SGCZ: variants seen among roughly 807,000 people sequenced by gnomAD.
SGCZ encodes the protein sarcoglycan zeta.
In SGCZ, 40 loss-of-function variants were observed where a neutral mutation model predicts 41.3. That is an observed-to-expected ratio of 0.97 (90% CI 0.75 to 1.26). SGCZ has a LOEUF of 1.26. Ranked by LOEUF, SGCZ falls within the 50% of genes most tolerant of loss-of-function variation. The probability of loss-of-function intolerance (pLI) is 0.00; values close to 1 mark genes in which losing one functional copy is unlikely to be tolerated. For missense variants in SGCZ, 552 were observed against 369.8 expected, an observed-to-expected ratio of 1.49 and a Z score of -4.04; for synonymous variants, 206 against 137.5, an observed-to-expected ratio of 1.50 and a Z score of -3.49.
At chr8:14,846,007 T>A (rs1354368997) in intron 1 of SGCZ, among the ~76,000 whole-genome samples, 1 of 152,140 alleles carries the variant, frequency 6.6e-6, no homozygotes, top group Non-Finnish European at 1.5e-5. Flanking sequence ...CTTAAACATG[T>A]ATACACCCAA....
intron 1 of SGCZ, among the ~76,000 whole-genome samples, chr8:15,074,832 T>A (rs999601463): frequency 1.3e-5 from 2 of 152,144 alleles, no homozygotes; most frequent in African/African-American, 4.8e-5. Flanking sequence ...TAAGACATCA[T>A]CTTATGCAGT....
At chr8:14,126,322 A>G (rs140613919) in intron 5 of SGCZ, among the ~76,000 whole-genome samples, 21 of 152,354 alleles carry the variant, frequency 1.4e-4, no homozygotes, top group Non-Finnish European at 1.5e-5. Context: ...GGCAAAGGAC[A>G]TGAACAGACA....
intron 1 of SGCZ, among the ~76,000 whole-genome samples, chr8:15,056,053 G>T (rs951396995): frequency 6.6e-6 from 1 of 152,156 alleles, no homozygotes; most frequent in Non-Finnish European, 1.5e-5. Context: ...TTTAGAAAAT[G>T]CATTTAAGCA....
At position 15,079,053 on chromosome 8, in the gene SGCZ, C is replaced by G. The variant is rs17120876; in HGVS notation, c.39+158532G>C. ...TTATAGATCCAAATCCTTACAGAGT[C>G]TCCCAGCATTGCTCCTCCTTCTTCC... On this transcript the variant is annotated intron_variant, in intron 1 of 7. Transcript: ENST00000382080. 9.0e-3 allele frequency among the ~76,000 whole-genome samples: 1,375 copies of G among 152,226 alleles called. 23 individuals are homozygous for G. Among genetic ancestry groups the G allele is most frequent in the African/African-American group, 0.031 (1,307 of 41,528 alleles).
At chr8:14,519,010 A>G (rs974103266) in intron 2 of SGCZ, among the ~76,000 whole-genome samples, 7 of 150,740 alleles carry the variant, frequency 4.6e-5, no homozygotes, top group Non-Finnish European at 8.9e-5. Flanking sequence ...CATAGTTTGC[A>G]GTGAGCCAAG....
chr8:14,143,520 T>G (rs1407718472), intron 5 of SGCZ, among the ~76,000 whole-genome samples: 2 of 152,182 alleles, frequency 1.3e-5, no homozygotes, highest in East Asian at 3.8e-4. Flanking sequence ...TACTTTTATA[T>G]ATTAATAATA....
chr8:14,636,957 T>G (rs1489915623), intron 1 of SGCZ, among the ~76,000 whole-genome samples: 1 of 151,870 alleles, frequency 6.6e-6, no homozygotes, highest in African/African-American at 2.4e-5. Context: ...CATTTAACAT[T>G]CTAGGTCATT....
chr8:14,599,731 C>T (rs9657243), intron 1 of SGCZ, among the ~76,000 whole-genome samples: 8 of 152,108 alleles, frequency 5.3e-5, no homozygotes, highest in Admixed American at 5.2e-4. Context: ...AACTCCTCTA[C>T]TCTTTCTTTT....
intron 2 of SGCZ, among the ~76,000 whole-genome samples, chr8:14,376,480 G>A (rs2117177141): frequency 6.6e-6 from 1 of 152,222 alleles, no homozygotes; most frequent in South Asian, 2.1e-4. Context: ...CACAGTTCAT[G>A]AAATTAACTT....
intron 1 of SGCZ, among the ~76,000 whole-genome samples, chr8:15,124,749 A>G (rs1055817664): frequency 7.9e-5 from 12 of 152,220 alleles, no homozygotes; most frequent in African/African-American, 2.7e-4. Context: ...GAAATGCCAA[A>G]GGGGGAACAT....
At chr8:14,551,531 A>AT (rs1803840155) in intron 2 of SGCZ, among the ~76,000 whole-genome samples, 15 of 4,088 alleles carry the variant, frequency 3.7e-3, no homozygotes, top group African/African-American at 0.013. Context: ...TATAATATAT[A>AT]TAATATATAT....
At chr8:14,097,654 T>TGTC (rs1801886713) in intron 7 of SGCZ, among the ~76,000 whole-genome samples, 1 of 152,304 alleles carries the variant, frequency 6.6e-6, no homozygotes, top group Non-Finnish European at 1.5e-5. Flanking sequence ...GTTAATTTTC[T>TGTC]GTCTTGTTGA....
intron 1 of SGCZ, among the ~76,000 whole-genome samples, chr8:15,129,106 A>G (rs6998750): frequency 0.044 from 6,672 of 152,218 alleles, 489 homozygotes; most frequent in African/African-American, 0.15. Context: ...AATCCTTTCA[A>G]ATAAAGTATC....
chr8:14,822,745 T>C (rs912984917), intron 1 of SGCZ, among the ~76,000 whole-genome samples: 1 of 151,374 alleles, frequency 6.6e-6, no homozygotes, highest in Non-Finnish European at 1.5e-5. Context: ...TTCAATAAAT[T>C]GTGCTGGAAA....
At chr8:14,386,213 G>T (rs972430876) in intron 2 of SGCZ, among the ~76,000 whole-genome samples, 1 of 151,750 alleles carries the variant, frequency 6.6e-6, no homozygotes, top group Non-Finnish European at 1.5e-5. Context: ...CTTATTGAAG[G>T]TTGAATGCCT....
chr8:14,639,926 T>A (rs1345297847), intron 1 of SGCZ, among the ~76,000 whole-genome samples: 1 of 151,706 alleles, frequency 6.6e-6, no homozygotes, highest in Admixed American at 6.6e-5. Context: ...GGACACTTGA[T>A]ACTGTATTAG....
intron 5 of SGCZ, among the ~76,000 whole-genome samples, chr8:14,127,552 T>G (rs1802901056): frequency 6.6e-6 from 1 of 152,156 alleles, no homozygotes; most frequent in Admixed American, 6.5e-5. Context: ...GCCTCCCGGG[T>G]TCATGCCATT....
intron 2 of SGCZ, among the ~76,000 whole-genome samples, chr8:14,536,923 T>C (rs11995113): frequency 1.7e-3 from 257 of 152,016 alleles, no homozygotes; most frequent in African/African-American, 5.8e-3. Flanking sequence ...TAGGAAGCTA[T>C]AAAAAATTAA....
At chr8:14,487,333 T>G (rs962328794) in intron 2 of SGCZ, among the ~76,000 whole-genome samples, 1 of 152,190 alleles carries the variant, frequency 6.6e-6, no homozygotes, top group Non-Finnish European at 1.5e-5. Flanking sequence ...TGTTGATTTT[T>G]AAAAAATAAT....
Sources: gnomAD v4.1 joint callset for allele counts (sites outside exome capture counted in the v4.1 genomes callset) on GRCh38, gnomAD v4.1.1 for gene constraint, MANE v1.5 for transcripts, NCBI Gene and HGNC (gene_info 2026-07-23, HGNC 2026-07-21) for gene names.